PACS2: variants seen among roughly 807,000 people sequenced by gnomAD.
PACS2 encodes PACS1-like protein.
In PACS2, 36 loss-of-function variants were observed where a neutral mutation model predicts 113.0. The ratio of observed to expected loss-of-function variants is 0.32; its 90% CI spans 0.24 to 0.42. The LOEUF (loss-of-function observed/expected upper bound fraction) is 0.42. Among genes scored for constraint, PACS2 ranks in the 10% least tolerant of loss-of-function variants. PACS2 has a pLI of 1.00. For missense variants in PACS2, 1,015 were observed against 1,239.5 expected (o/e 0.82, Z 2.72); for synonymous variants, 589 against 536.1 (o/e 1.10, Z -1.36).
intron 8 of PACS2, chr14:105,372,610 A>G (rs1555409607): frequency 1.3e-5 from 2 of 152,248 alleles, no homozygotes; most frequent in Non-Finnish European, 2.9e-5. Flanking sequence ...AGGTACTGTT[A>G]AAAGAATGAA....
chr14:105,362,146 T>C (rs7140525), intron 4 of PACS2, among the ~76,000 whole-genome samples: 1,545 of 145,960 alleles, frequency 0.011, 8 homozygotes, highest in Middle Eastern at 0.03. Flanking sequence ...GGGCCAGGTG[T>C]GGTGGCTCAC....
chr14:105,301,810 T>C (rs1212734054), intron 1 of PACS2, among the ~76,000 whole-genome samples: 3 of 152,198 alleles, frequency 2.0e-5, no homozygotes, highest in Non-Finnish European at 4.4e-5. Context: ...ACAATCGCCA[T>C]AGGGCCGGTG....
intron 20 of PACS2, chr14:105,390,317 C>T (rs1456568061): frequency 1.7e-5 from 7 of 416,588 alleles, no homozygotes; most frequent in African/African-American, 1.2e-4. Context: ...GGAGAGACTG[C>T]CTGCCCGGGT....
chr14:105,342,698 CCGAGGTGG>C (rs1349642003), intron 1 of PACS2, among the ~76,000 whole-genome samples: 1 of 151,758 alleles, frequency 6.6e-6, no homozygotes, highest in Admixed American at 6.6e-5. Flanking sequence ...CTTCAGGAGG[CCGAGGTGG>C]GCGGGTCACT....
At chr14:105,316,516 A>C (rs2058642728) in intron 1 of PACS2, among the ~76,000 whole-genome samples, 1 of 152,220 alleles carries the variant, frequency 6.6e-6, no homozygotes, top group Non-Finnish European at 1.5e-5. Context: ...GCACTGCAGC[A>C]CATAGCCTGC....
intron 1 of PACS2, among the ~76,000 whole-genome samples, chr14:105,308,814 T>A (rs2058266268): frequency 6.6e-6 from 1 of 151,758 alleles, no homozygotes; most frequent in Non-Finnish European, 1.5e-5. Flanking sequence ...AATAATTTTT[T>A]AAAACCCTTA....
intron 15 of PACS2, 78 bp from the exon 16 acceptor site, chr14:105,383,281 A>C (rs2081056774): frequency 6.5e-7 from 1 of 1,533,518 alleles, no homozygotes; most frequent in African/African-American, 1.4e-5. Flanking sequence ...CCCTGGGCTC[A>C]CACTGGCATC....
chr14:105,364,370 G>GGGC (rs1287176999), intron 4 of PACS2, among the ~76,000 whole-genome samples: 5,152 of 138,186 alleles, frequency 0.037, 675 homozygotes, highest in African/African-American at 0.14. Context: ...GGTGCACGGT[G>GGGC]GGCGTCCCGG....
rs587773827 is a variant in PACS2 at position 105,353,977 on chromosome 14, C to T, written c.298-1075C>T. ...CTGTAATCCCAGCACTTCGGGAGGC[C>T]GAGGTAGGTGGCAGGAGAATCGCTT... On this transcript the variant is annotated intron_variant, in intron 3 of 24. Transcript: ENST00000447393. Among the ~76,000 whole-genome samples the T allele has an allele frequency of 2.7e-3, 412 of 151,476 alleles. 3 individuals carry two copies. Among genetic ancestry groups the T allele is most frequent in the African/African-American group, 4.0e-3 (165 of 41,298 alleles).
intron 1 of PACS2, chr14:105,301,032 A>C (rs2057998933): frequency 6.6e-6 from 1 of 150,916 alleles, no homozygotes; most frequent in Non-Finnish European, 1.5e-5. Context: ...CGGTGAGCGC[A>C]GCCCGGGACT....
chr14:105,385,021 C>A, intron 18 of PACS2, 34 bp downstream of exon 18: 1 of 1,331,376 alleles, frequency 7.5e-7, no homozygotes, highest in Non-Finnish European at 1.1e-6. Flanking sequence ...ATACCACAGG[C>A]TGCCGCCAGC....
intron 1 of PACS2, among the ~76,000 whole-genome samples, chr14:105,347,549 G>C (rs1555402944): frequency 6.6e-6 from 1 of 152,210 alleles, no homozygotes; most frequent in Non-Finnish European, 1.5e-5. Flanking sequence ...ACTTCCCCAA[G>C]GGAAAGTGTC....
In PACS2 at chr14:105,392,772, G is replaced by A; in HGVS notation, c.2409G>A (p.Leu803=). 2.5e-6 allele frequency: 4 copies of A among 1,611,646 alleles called. No homozygotes were observed. In the South Asian group the frequency reaches 3.3e-5, roughly 13 times the overall value. ...TCCGGTCCCTCCAGGTCAGCAGGCT[G>A]CCCAGCAGCGGCGAGGCTGCAGCCA... ...CTFRSLQVSR[L]PSSGEAAATP... The change falls in exon 23 of 25, where the codon CTG becomes CTA. Residue 803 remains leucine, a synonymous_variant. Coordinates refer to ENST00000447393, the MANE Select transcript of PACS2 (RefSeq NM_001100913.3).
chr14:105,360,226 A>G (rs782732759), intron 4 of PACS2, among the ~76,000 whole-genome samples: 75 of 152,202 alleles, frequency 4.9e-4, no homozygotes, highest in Non-Finnish European at 9.7e-4. Context: ...GTCAAAAAAT[A>G]TATACATACA....
chr14:105,372,766 G>T (rs1393006209), intron 8 of PACS2: 1 of 152,178 alleles, frequency 6.6e-6, no homozygotes, highest in Non-Finnish European at 1.5e-5. Flanking sequence ...GCTGGGCGTG[G>T]TGGCAGGCGA....
chr14:105,322,183 G>A (rs187666930), intron 1 of PACS2, among the ~76,000 whole-genome samples: 51 of 151,724 alleles, frequency 3.4e-4, no homozygotes, highest in Non-Finnish European at 4.1e-4. Flanking sequence ...TGATCCGCCC[G>A]CCTTGGCCTC....
intron 4 of PACS2, among the ~76,000 whole-genome samples, chr14:105,362,128 A>G (rs187160032): frequency 6.6e-6 from 1 of 151,286 alleles, no homozygotes. Context: ...GTCTCAAAAA[A>G]AAAGAATGGG....
chr14:105,336,116 G>C (rs780790839), intron 1 of PACS2, among the ~76,000 whole-genome samples: 11 of 152,212 alleles, frequency 7.2e-5, no homozygotes, highest in Non-Finnish European at 1.6e-4. Flanking sequence ...CCGCACCAAG[G>C]GGGCAGCTCC....
chr14:105,377,442 A>C (rs1275997989), intron 9 of PACS2, among the ~76,000 whole-genome samples: 6 of 152,026 alleles, frequency 3.9e-5, no homozygotes, highest in African/African-American at 1.4e-4. Flanking sequence ...CAGGGCAGGC[A>C]GCTCTGTGCA....
Sources: gnomAD v4.1 joint callset for allele counts (sites outside exome capture counted in the v4.1 genomes callset) on GRCh38, gnomAD v4.1.1 for gene constraint, MANE v1.5 for transcripts, NCBI Gene and HGNC (gene_info 2026-07-23, HGNC 2026-07-21) for gene names.